Variants in SLC47A2 observed in about 807,000 individuals in gnomAD.
The protein encoded by SLC47A2 is solute carrier family 47 member 2.
A neutral mutation model predicts 67.7 loss-of-function variants in SLC47A2; 52 were observed. The ratio of observed to expected loss-of-function variants is 0.77; its 90% CI spans 0.61 to 0.97. The LOEUF (loss-of-function observed/expected upper bound fraction) is 0.97, where lower values mean the gene tolerates loss of function less well. SLC47A2 is among the 50% of genes least tolerant of loss of function. The probability of loss-of-function intolerance (pLI) is 0.00; values close to 1 mark genes in which losing one functional copy is unlikely to be tolerated. For synonymous variants in SLC47A2, 278 were observed against 292.9 expected, an observed-to-expected ratio of 0.95 and a Z score of 0.52; for missense variants, 676 against 712.3, an observed-to-expected ratio of 0.95 and a Z score of 0.58.
intron 1 of SLC47A2, chr17:19,716,026 A>C (rs1165502021): frequency 5.8e-6 from 1 of 173,008 alleles, no homozygotes; most frequent in Non-Finnish European, 1.2e-5. Flanking sequence ...TCATGATCAG[A>C]AAAAATAAAT....
intron 16 of SLC47A2, 102 bp downstream of exon 16, chr17:19,679,850 T>C (rs939375249): frequency 1.7e-6 from 2 of 1,153,534 alleles, no homozygotes; most frequent in African/African-American, 1.6e-5. Flanking sequence ...TAGCTTGGGC[T>C]TGTACAATTT....
At chr17:19,683,045 TG>T (rs2085349638) in intron 13 of SLC47A2, among the ~76,000 whole-genome samples, 3 of 152,318 alleles carry the variant, frequency 2.0e-5, no homozygotes, top group African/African-American at 7.2e-5. Flanking sequence ...GGTAATGCAC[TG>T]GGGTTAGGAG....
intron 10 of SLC47A2, chr17:19,705,036 A>G (rs1439682517): frequency 9.2e-6 from 3 of 327,484 alleles, no homozygotes; most frequent in South Asian, 5.9e-5. Context: ...CATATTGCCC[A>G]GGTTGGTCTT....
chr17:19,691,523 C>T (rs1400613066), intron 13 of SLC47A2, among the ~76,000 whole-genome samples: 1 of 152,158 alleles, frequency 6.6e-6, no homozygotes, highest in Non-Finnish European at 1.5e-5. Context: ...TGTACATTCT[C>T]ACTCGTTTGT....
At position 19,685,130 on chromosome 17, in the gene SLC47A2, TCTCG is replaced by T. The variant is rs1295431353; in HGVS notation, c.1165-3464_1165-3461del. Reference sequence around the variant, plus strand: ...TGAGGTGCTGGGATTGCAGACGGAGTCTCGCTCACTCAATGCTCAATGTTGCCCA... The same window carrying T: ...TGAGGTGCTGGGATTGCAGACGGAGTCTCACTCAATGCTCAATGTTGCCCA... On this transcript the variant is annotated intron_variant, in intron 13 of 16. Coordinates refer to ENST00000433844, the MANE Select transcript of SLC47A2 (RefSeq NM_001099646.3). This position sits in a 1 kb window ranked among gnomAD's most constrained non-coding sequence, Gnocchi z 4.5. Among the ~76,000 whole-genome samples, 1 of 151,936 alleles carries T rather than the reference TCTCG, an allele frequency of 6.6e-6. No individual in the cohort carries two copies. The highest frequency in any genetic ancestry group is 1.9e-4 in the East Asian group (1 of 5,162).
chr17:19,694,050 T>G (rs1165959591), intron 13 of SLC47A2, among the ~76,000 whole-genome samples: 2 of 152,132 alleles, frequency 1.3e-5, no homozygotes, highest in Non-Finnish European at 2.9e-5. Context: ...AGAATAAAAT[T>G]CTTTGGGATA....
intron 13 of SLC47A2, among the ~76,000 whole-genome samples, chr17:19,692,540 A>G (rs1452544606): frequency 2.6e-5 from 4 of 152,258 alleles, no homozygotes; most frequent in African/African-American, 9.6e-5. Flanking sequence ...GATTGAATTT[A>G]TAATTTAAAC....
At chr17:19,697,730 G>C (rs2085695552) in intron 13 of SLC47A2, among the ~76,000 whole-genome samples, 1 of 150,794 alleles carries the variant, frequency 6.6e-6, no homozygotes, top group Non-Finnish European at 1.5e-5. Flanking sequence ...TGGGACTACA[G>C]ATATGCACCA....
intron 13 of SLC47A2, among the ~76,000 whole-genome samples, chr17:19,682,369 TTATTA>T (rs200878213): frequency 0.028 from 3,422 of 120,430 alleles, 68 homozygotes; most frequent in African/African-American, 0.064. Context: ...ACACACAAAT[TTATTA>T]TTTTATTTTA....
rs1416948505 is a variant in SLC47A2 at position 19,681,366 on chromosome 17, C to A, written c.1392+1G>T. The A allele has an allele frequency of 6.2e-7, 1 of 1,601,320 alleles. No individual in the cohort carries two copies. The highest frequency in any genetic ancestry group is 8.5e-7 in the Non-Finnish European group (1 of 1,172,958). On this transcript the variant is annotated splice_donor_variant, in intron 15 of 16. Transcript: ENST00000433844. LOFTEE classifies it high-confidence loss of function. ...TGGCCAGGGTCAGCTGACCCACTTA[C>A]CTCCTCTGCAGCAAGCTTCCAGTCC... is the stretch of plus-strand genomic sequence containing the variant.
rs73310749 is a variant in SLC47A2 at position 19,698,584 on chromosome 17, C to A, written c.1164+4021G>T. 9.7e-3 allele frequency among the ~76,000 whole-genome samples: 1,473 copies of A among 152,242 alleles called. 19 individuals carry two copies. The highest frequency in any genetic ancestry group is 0.033 in the African/African-American group (1,389 of 41,538). On this transcript the variant is annotated intron_variant, in intron 13 of 16. Transcript: ENST00000433844. ...CAGGCTGGTCTTGAACTCCTGACCT[C>A]AAGTGAGGACCTCCTTTGCCTCAGC...
Position 19,678,875 on chromosome 17 carries a change from C to G in SLC47A2, c.1512G>C (p.Leu504Phe). 3 of 1,592,172 alleles carry G rather than the reference C, an allele frequency of 1.9e-6. No homozygotes were observed. Among genetic ancestry groups the G allele is most frequent in the Non-Finnish European group, 2.6e-6 (3 of 1,168,254 alleles). Reference sequence around the variant, plus strand: ...GGCACTCAGACCTTGAATACGTTGTCAAGGTAATGCCAGGGGAACTGCCTG... The same window carrying G: ...GGCACTCAGACCTTGAATACGTTGTGAAGGTAATGCCAGGGGAACTGCCTG... Reference protein sequence around the residue: ...VATGSSPGITLTTYSRSECHV... With the variant: ...VATGSSPGITFTTYSRSECHV... Residue 504 changes from leucine (L) to phenylalanine (F), a missense_variant, in exon 17 of 17, where the codon TTG becomes TTC. Transcript: ENST00000433844.
intron 10 of SLC47A2, chr17:19,704,652 C>A (rs1037583957): frequency 2.1e-5 from 32 of 1,548,892 alleles, no homozygotes; most frequent in Non-Finnish European, 2.4e-5. Context: ...CAGATGCGTA[C>A]CCGAGTGACA....
intron 5 of SLC47A2, among the ~76,000 whole-genome samples, chr17:19,710,141 A>T (rs1171422973): frequency 1.3e-5 from 2 of 152,150 alleles, no homozygotes; most frequent in African/African-American, 4.8e-5. Flanking sequence ...ACTGTCAGAA[A>T]GTGAGCTGAG....
At position 19,680,029 on chromosome 17, in the gene SLC47A2, T is replaced by C. The variant is rs2085279539; in HGVS notation, c.1403A>G (p.His468Arg). The C allele has an allele frequency of 1.2e-6, 2 of 1,613,990 alleles. No individual in the cohort carries two copies. Among genetic ancestry groups the C allele is most frequent in the East Asian group, 4.5e-5 (2 of 44,878 alleles). ...TCTCTGCTGCTGCTGCCGGCCTGAA[T>C]GTTTCTTAGCCTAAAGGAGAAAGAA... ...WKLAAEEAKK[H>R]SGRQQQQRAE... Residue 468 changes from histidine (H) to arginine (R), a missense_variant, in exon 16 of 17, where the codon CAT (histidine) becomes CGT (arginine). His to Arg is a conservative substitution (Grantham distance 29, BLOSUM62 0). Transcript: ENST00000433844.
In SLC47A2 at chr17:19,702,658, C is replaced by A; in HGVS notation, c.1111G>T (p.Val371Leu). 6.2e-7 allele frequency: 1 copy of A among 1,613,964 alleles called. No homozygotes were observed. The highest frequency in any genetic ancestry group is 8.5e-7 in the Non-Finnish European group (1 of 1,179,960). ...CTATAAACCGGCAAGACCTGGCTCACCAGGGCAATGACATCTCTGCAGAAG... is the reference window on the plus strand; with the variant it reads ...CTATAAACCGGCAAGACCTGGCTCAACAGGGCAATGACATCTCTGCAGAAG... ...FTNDEDVIAL[V>L]SQVLPVYSVF... The change falls in exon 13 of 17, where the codon GTG becomes TTG. Residue 371 changes from valine to leucine, a missense_variant. Physicochemically the swap from Val to Leu is conservative, Grantham distance 32. Coordinates refer to ENST00000433844, the MANE Select transcript of SLC47A2 (RefSeq NM_001099646.3).
intron 10 of SLC47A2, chr17:19,704,566 TA>T: frequency 7.5e-7 from 1 of 1,333,840 alleles, no homozygotes; most frequent in Non-Finnish European, 1.0e-6. Context: ...CTTGTAAAAA[TA>T]AGAATCTCTA....
chr17:19,694,777 G>A (rs926905851), intron 13 of SLC47A2, among the ~76,000 whole-genome samples: 3 of 151,970 alleles, frequency 2.0e-5, no homozygotes, highest in South Asian at 2.1e-4. Context: ...TTAGCCGGAC[G>A]AGGTGGCACA....
chr17:19,705,497 A>G lies in SLC47A2; in HGVS notation c.848T>C (p.Leu283Pro). ...YEIGSFLMGLLSVVDLSAQAV... is the reference protein window; with the variant it reads ...YEIGSFLMGLPSVVDLSAQAV... ...CTGGGCAGAGAGATCCACCACACTG[A>G]GCAGCCCTAGAGAAGAGGCCCGCCG... Residue 283 changes from leucine (L) to proline (P), a missense_variant, in exon 10 of 17, where the codon CTC (leucine) becomes CCC (proline). Leu to Pro is a moderately conservative substitution (Grantham distance 98). Transcript: ENST00000433844. 1 of 1,607,268 alleles carries G rather than the reference A, an allele frequency of 6.2e-7. No homozygotes were observed. The highest frequency in any genetic ancestry group is 8.5e-7 in the Non-Finnish European group (1 of 1,177,546).
Sources: allele counts gnomAD v4.1 joint callset (sites outside exome capture counted in the v4.1 genomes callset), GRCh38; gene constraint gnomAD v4.1.1; non-coding constraint Gnocchi (gnomAD v3.1); transcripts MANE v1.5; gene names NCBI Gene and HGNC (gene_info 2026-07-23, HGNC 2026-07-21).